The following STXBP5L variants were observed in gnomAD, a reference collection of about 807,000 sequenced individuals.
STXBP5L encodes syntaxin binding protein 5L.
Under a neutral mutation model 144.5 loss-of-function variants are expected in STXBP5L, and 65 were observed. The observed-to-expected ratio is 0.45, with a 90% CI of 0.37 to 0.55. The LOEUF is 0.55. STXBP5L is among the 20% of genes least tolerant of loss of function. STXBP5L has a pLI of 0.00. For synonymous variants in STXBP5L, 505 were observed against 469.6 expected, an observed-to-expected ratio of 1.08 and a Z score of -0.97; for missense variants, 1,298 against 1,405.5, an observed-to-expected ratio of 0.92 and a Z score of 1.22.
chr3:121,094,302 G>A (rs918539004), intron 5 of STXBP5L, among the ~76,000 whole-genome samples: 3 of 152,176 alleles, frequency 2.0e-5, no homozygotes, highest in Non-Finnish European at 4.4e-5. Flanking sequence ...TTGGTGCAGA[G>A]CTGAGTCCAA....
intron 10 of STXBP5L, among the ~76,000 whole-genome samples, chr3:121,207,018 G>A (rs1312604516): frequency 6.6e-6 from 1 of 151,994 alleles, no homozygotes; most frequent in Admixed American, 6.6e-5. Flanking sequence ...TAGGTATACT[G>A]AATGTTTGTT....
intron 5 of STXBP5L, among the ~76,000 whole-genome samples, chr3:121,052,808 C>T (rs1326108146): frequency 1.3e-5 from 2 of 152,108 alleles, no homozygotes; most frequent in East Asian, 1.9e-4. Context: ...GTCAAATTGT[C>T]CCTGTTTGCA....
intron 19 of STXBP5L, among the ~76,000 whole-genome samples, chr3:121,309,250 T>G (rs2043445958): frequency 6.6e-6 from 1 of 151,992 alleles, no homozygotes; most frequent in Non-Finnish European, 1.5e-5. Context: ...CTATATGCTG[T>G]TTATGAGAGA....
At chr3:121,218,057 T>C (rs1332591499) in intron 10 of STXBP5L, among the ~76,000 whole-genome samples, 2 of 142,568 alleles carry the variant, frequency 1.4e-5, no homozygotes, top group South Asian at 2.1e-4. Context: ...ATATATAATA[T>C]ATATACACTA....
chr3:121,346,263 C>T lies in STXBP5L; in HGVS notation c.2176+27723C>T, dbSNP rs536811043. On this transcript the variant is annotated intron_variant, in intron 20 of 26. Transcript: ENST00000471454. ...TGATGGTTTCCAGCTTCATCCATGT[C>T]CCTACAAAGGACATGAACTCATCAT... 1.2e-4 allele frequency among the ~76,000 whole-genome samples: 18 copies of T among 152,136 alleles called. 1 individual carries two copies. The East Asian group carries it at 1.9e-3, about 16-fold the overall frequency.
chr3:121,015,095 A>G (rs973370259), intron 3 of STXBP5L, among the ~76,000 whole-genome samples: 2 of 152,104 alleles, frequency 1.3e-5, no homozygotes, highest in African/African-American at 2.4e-5. Flanking sequence ...CCAAATTGCT[A>G]GAGATTCAAT....
chr3:121,342,446 A>C (rs552775109), intron 20 of STXBP5L, among the ~76,000 whole-genome samples: 18 of 151,468 alleles, frequency 1.2e-4, no homozygotes, highest in African/African-American at 4.4e-4. Flanking sequence ...CGCTGCACCC[A>C]TTAACTCGTC....
chr3:121,238,399 C>G (rs2049552713), intron 12 of STXBP5L, among the ~76,000 whole-genome samples: 1 of 152,012 alleles, frequency 6.6e-6, no homozygotes, highest in South Asian at 2.1e-4. Flanking sequence ...AACTCATTCA[C>G]CTCCAAGACA....
intron 20 of STXBP5L, among the ~76,000 whole-genome samples, chr3:121,362,549 C>T (rs1210785853): frequency 6.6e-6 from 1 of 152,146 alleles, no homozygotes; most frequent in Non-Finnish European, 1.5e-5. Flanking sequence ...CATGCTACCA[C>T]TAACATTCCA....
chr3:121,257,233 C>G lies in STXBP5L; in HGVS notation c.1732C>G (p.Pro578Ala), dbSNP rs781099091. 22 of 1,613,816 alleles carry G rather than the reference C, an allele frequency of 1.4e-5. No homozygotes were observed. The highest frequency in any genetic ancestry group is 1.7e-5 in the Non-Finnish European group (20 of 1,179,832). Residue 578 changes from proline to alanine, a missense_variant, in exon 17 of 27, where the codon CCA becomes GCA. Pro to Ala is a conservative substitution (Grantham distance 27, BLOSUM62 -1). Transcript: ENST00000471454. ...TGAACCAGAAACAAGTCCTCCGTTT[C>G]CAGATCTCTCAGCCCAGCTTCCTTC... ...TPEPETSPPF[P>A]DLSAQLPSSR...
chr3:121,103,919 C>G (rs1170661032), intron 5 of STXBP5L, among the ~76,000 whole-genome samples: 2 of 152,064 alleles, frequency 1.3e-5, no homozygotes, highest in Non-Finnish European at 2.9e-5. Context: ...TTACTGCAGA[C>G]AGGGTATTAC....
At chr3:121,003,535 G>A (rs1277903989) in intron 3 of STXBP5L, among the ~76,000 whole-genome samples, 13 of 152,164 alleles carry the variant, frequency 8.5e-5, no homozygotes, top group Admixed American at 8.5e-4. Flanking sequence ...TTCTTTTGCT[G>A]TGCAGAAGCT....
intron 5 of STXBP5L, among the ~76,000 whole-genome samples, chr3:121,065,834 A>G (rs534558475): frequency 2.3e-4 from 35 of 152,304 alleles, no homozygotes; most frequent in African/African-American, 8.2e-4. Context: ...AAGGATCTTT[A>G]TTCAAGCTCA....
intron 3 of STXBP5L, among the ~76,000 whole-genome samples, chr3:120,979,371 C>G (rs1407952729): frequency 2.0e-5 from 3 of 152,232 alleles, no homozygotes; most frequent in Non-Finnish European, 2.9e-5. Flanking sequence ...ATATAATCTT[C>G]TGGTGCACCG....
At chr3:121,088,010 C>G (rs2042583800) in intron 5 of STXBP5L, among the ~76,000 whole-genome samples, 1 of 152,002 alleles carries the variant, frequency 6.6e-6, no homozygotes, top group Non-Finnish European at 1.5e-5. Flanking sequence ...ATATTATGAA[C>G]CACATCAGAC....
intron 5 of STXBP5L, among the ~76,000 whole-genome samples, chr3:121,101,078 C>A (rs1477338714): frequency 6.6e-6 from 1 of 151,652 alleles, no homozygotes; most frequent in Non-Finnish European, 1.5e-5. Flanking sequence ...ATATCAAGTT[C>A]CAAAATTAAA....
At chr3:121,334,935 G>A (rs746308379) in intron 20 of STXBP5L, among the ~76,000 whole-genome samples, 16 of 152,144 alleles carry the variant, frequency 1.1e-4, no homozygotes, top group East Asian at 1.9e-4. Flanking sequence ...ATTTAACAGA[G>A]TATTGGAAGC....
chr3:121,115,474 T>C (rs1281549077), intron 6 of STXBP5L, among the ~76,000 whole-genome samples: 2 of 152,182 alleles, frequency 1.3e-5, no homozygotes, highest in African/African-American at 4.8e-5. Flanking sequence ...TGTTCAGGGC[T>C]CAAATATCTT....
At chr3:121,059,086 T>C (rs1424988713) in intron 5 of STXBP5L, among the ~76,000 whole-genome samples, 1 of 152,240 alleles carries the variant, frequency 6.6e-6, no homozygotes, top group Non-Finnish European at 1.5e-5. Context: ...GATTTTCTTC[T>C]AGAGTTTTTA....
Sources: allele counts gnomAD v4.1 joint callset (sites outside exome capture counted in the v4.1 genomes callset), GRCh38; gene constraint gnomAD v4.1.1; transcripts MANE v1.5; gene names NCBI Gene and HGNC (gene_info 2026-07-23, HGNC 2026-07-21).